The following DMXL1 variants were observed in gnomAD, a reference collection of about 807,000 sequenced individuals.
DMXL1 encodes the protein dmX-like protein 1.
DMXL1 carries 99 observed loss-of-function variants against 319.2 expected under a neutral mutation model. The ratio of observed to expected loss-of-function variants is 0.31; its 90% confidence interval spans 0.26 to 0.37. The LOEUF is 0.37. Among genes scored for constraint, DMXL1 ranks in the 10% least tolerant of loss-of-function variants. The probability of loss-of-function intolerance (pLI) is 1.00; values close to 1 mark genes in which losing one functional copy is unlikely to be tolerated. For missense variants in DMXL1, 3,745 were observed against 3,595.6 expected, an observed-to-expected ratio of 1.04 and a Z score of -1.06; for synonymous variants, 1,385 against 1,235.2, an observed-to-expected ratio of 1.12 and a Z score of -2.54.
intron 13 of DMXL1, among the ~76,000 whole-genome samples, 161 bp from the exon 14 acceptor site, chr5:119,143,680 C>T (rs1213767302): frequency 6.6e-6 from 1 of 151,746 alleles, no homozygotes; most frequent in Non-Finnish European, 1.5e-5. Flanking sequence ...TTGTTAATTC[C>T]TATAAAGACT....
chr5:119,114,799 G>T (rs1347793710), intron 6 of DMXL1, among the ~76,000 whole-genome samples: 1 of 152,090 alleles, frequency 6.6e-6, no homozygotes, highest in East Asian at 1.9e-4. Context: ...CTCTCAAGTA[G>T]CTGGGACTAT....
In DMXL1 at chr5:119,171,871, G is replaced by T; in HGVS notation, c.6583G>T (p.Ala2195Ser). 6.2e-7 allele frequency: 1 copy of T among 1,613,780 alleles called. No homozygotes were observed. Among genetic ancestry groups the T allele is most frequent in the Non-Finnish European group, 8.5e-7 (1 of 1,179,844 alleles). Residue 2195 changes from alanine (A) to serine (S), a missense_variant, in exon 25 of 44, where the codon GCC becomes TCC. Ala to Ser is a moderately conservative substitution (Grantham distance 99, BLOSUM62 1). Coordinates refer to ENST00000539542, the MANE Select transcript of DMXL1 (RefSeq NM_001290321.3). ...TACAGCCAATGCCAAAACAGTAGTT[G>T]CCAATCCATTATTGCACCTTAGTAA... The part of the protein sequence containing the change: ...ACTANAKTVV[A>S]NPLLHLSNLT...
chr5:119,148,416 T>G (rs1769048750), intron 17 of DMXL1, among the ~76,000 whole-genome samples: 1 of 152,182 alleles, frequency 6.6e-6, no homozygotes, highest in Admixed American at 6.5e-5. Context: ...GTTGTTTGAT[T>G]TAGGCCCAAG....
At chr5:119,204,062 T>C (rs1020718990) in intron 33 of DMXL1, among the ~76,000 whole-genome samples, 1 of 152,110 alleles carries the variant, frequency 6.6e-6, no homozygotes, top group African/African-American at 2.4e-5. Flanking sequence ...GACCTGGTGA[T>C]CCACCCGCCT....
At chr5:119,127,737 C>T in intron 9 of DMXL1, 1 of 245,178 alleles carries the variant, frequency 4.1e-6, no homozygotes, top group South Asian at 4.8e-5. Flanking sequence ...CTGCACCCAG[C>T]CAGTCCTTTA....
intron 1 of DMXL1, among the ~76,000 whole-genome samples, chr5:119,091,830 CCT>C (rs1286255028): frequency 6.6e-6 from 1 of 152,144 alleles, no homozygotes; most frequent in East Asian, 1.9e-4. Flanking sequence ...TACTGAACAG[CCT>C]CTCTCATGTG....
chr5:119,142,464 A>C (rs144514258), intron 13 of DMXL1, among the ~76,000 whole-genome samples: 106 of 151,880 alleles, frequency 7.0e-4, no homozygotes, highest in African/African-American at 2.4e-3. Flanking sequence ...ATGCAGATAA[A>C]AACCGCAATG....
chr5:119,105,070 C>A, intron 3 of DMXL1, 110 bp from the exon 4 acceptor site: 1 of 693,996 alleles, frequency 1.4e-6, no homozygotes, highest in Non-Finnish European at 2.6e-6. Context: ...ATTTTGTTAT[C>A]TTTAAAATTG....
intron 30 of DMXL1, among the ~76,000 whole-genome samples, chr5:119,194,249 C>T (rs964782438): frequency 1.3e-5 from 2 of 152,078 alleles, no homozygotes; most frequent in Non-Finnish European, 2.9e-5. Flanking sequence ...ATGGACCATC[C>T]GTAATTTGCA....
At chr5:119,234,379 C>G (rs538636843) in intron 39 of DMXL1, among the ~76,000 whole-genome samples, 11 of 152,250 alleles carry the variant, frequency 7.2e-5, no homozygotes, top group African/African-American at 2.6e-4. Flanking sequence ...AAAAATTACT[C>G]TCACAGACTC....
intron 1 of DMXL1, among the ~76,000 whole-genome samples, chr5:119,076,253 A>G (rs931047540): frequency 2.0e-5 from 3 of 152,210 alleles, no homozygotes; most frequent in Non-Finnish European, 4.4e-5. Flanking sequence ...TAATTATGTG[A>G]GTGTCATTAG....
intron 19 of DMXL1, among the ~76,000 whole-genome samples, chr5:119,153,551 T>C (rs1770310004): frequency 1.3e-5 from 2 of 152,252 alleles, no homozygotes; most frequent in Non-Finnish European, 2.9e-5. Context: ...CTGAAACTTT[T>C]TACCCTTTGA....
At chr5:119,228,705 G>C (rs1049714601) in intron 38 of DMXL1, among the ~76,000 whole-genome samples, 14 of 152,068 alleles carry the variant, frequency 9.2e-5, no homozygotes, top group African/African-American at 3.4e-4. Flanking sequence ...AAGTTAGAGT[G>C]AGGTCAAAAG....
intron 1 of DMXL1, among the ~76,000 whole-genome samples, chr5:119,095,844 T>C (rs1467555627): frequency 1.3e-5 from 2 of 152,182 alleles, no homozygotes; most frequent in Non-Finnish European, 2.9e-5. Context: ...TGTGATTTTT[T>C]TGTTTGTTTG....
chr5:119,171,137 T>G lies in DMXL1; in HGVS notation c.6346T>G (p.Phe2116Val). The G allele has an allele frequency of 6.2e-7, 1 of 1,613,904 alleles. No homozygotes were observed. Among genetic ancestry groups the G allele is most frequent in the African/African-American group, 1.3e-5 (1 of 75,006 alleles). The change falls in exon 24 of 44, where the codon TTT (phenylalanine) becomes GTT (valine). Residue 2116 changes from phenylalanine (F) to valine (V), a missense_variant. This residue lies in a region of DMXL1 where 1,382 missense variants were observed against 1,269.5 expected (regional missense o/e 1.09). Coordinates refer to ENST00000539542, the MANE Select transcript of DMXL1 (RefSeq NM_001290321.3). ...QTKVKQLREN[F>V]QEKRQWLLKY... ...AAAAGTGAAACAACTGAGAGAAAAT[T>G]TTCAGGAAAAAAGACAGTGGCTCTT...
At position 119,189,867 on chromosome 5, in the gene DMXL1, G is replaced by C; in HGVS notation, c.7295G>C (p.Trp2432Ser). 6.2e-7 allele frequency: 1 copy of C among 1,613,770 alleles called. No homozygotes were observed. Among genetic ancestry groups the C allele is most frequent in the Non-Finnish European group, 8.5e-7 (1 of 1,179,816 alleles). ...EKFIPPELSI[W>S]DYFIAKPFLP... is the part of the protein sequence containing the mutation. ...TTCATCCCACCTGAGCTCAGTATCT[G>C]GGACTATTTCATAGCTAAGGTAATT... Residue 2432 changes from tryptophan (W) to serine (S), a missense_variant, in exon 29 of 44, where the codon TGG becomes TCG. Around this residue, in one of 4 missense-constraint regions of DMXL1, gnomAD observed 1,382 missense variants for 1,269.5 expected, o/e 1.09. Coordinates refer to ENST00000539542, the MANE Select transcript of DMXL1 (RefSeq NM_001290321.3).
intron 21 of DMXL1, among the ~76,000 whole-genome samples, chr5:119,166,067 A>AT: frequency 6.6e-6 from 1 of 152,266 alleles, no homozygotes; most frequent in Non-Finnish European, 1.5e-5. Context: ...TTCACTTAGA[A>AT]TTTTTCTCTC....
intron 13 of DMXL1, among the ~76,000 whole-genome samples, chr5:119,140,471 C>G (rs1018543157): frequency 1.1e-4 from 16 of 152,102 alleles, no homozygotes; most frequent in Admixed American, 3.9e-4. Flanking sequence ...TCAGAAACTA[C>G]TACGAACACC....
rs138190989 is a variant in DMXL1 at position 119,083,018 on chromosome 5, T to C, written c.87+11362T>C. On this transcript the variant is annotated intron_variant, in intron 1 of 43. Coordinates refer to ENST00000539542, the MANE Select transcript of DMXL1 (RefSeq NM_001290321.3). The stretch of plus-strand genomic sequence containing the variant: ...GAATGACCTCCAGTTCCATCCTTTT[T>C]ATTGTTTGTTTGTTTGTTTTGTCAG... Among the ~76,000 whole-genome samples the C allele has an allele frequency of 1.4e-3, 217 of 152,122 alleles. 2 individuals carry two copies. The highest frequency in any genetic ancestry group is 4.3e-3 in the African/African-American group (180 of 41,524).
Sources: allele counts gnomAD v4.1 joint callset (sites outside exome capture counted in the v4.1 genomes callset), GRCh38; gene constraint gnomAD v4.1.1; regional missense constraint gnomAD v4.1.1; transcripts MANE v1.5; gene names NCBI Gene and HGNC (gene_info 2026-07-23, HGNC 2026-07-21).